FAM149B1: variants seen among roughly 807,000 people sequenced by gnomAD.
The protein encoded by FAM149B1 is primary cilium assembly protein FAM149B1.
Under a neutral mutation model 75.3 loss-of-function variants are expected in FAM149B1, and 56 were observed. That is an observed-to-expected ratio of 0.74 (90% CI 0.60 to 0.93). The LOEUF is 0.93. Ranked by LOEUF, FAM149B1 falls within the 40% of genes least tolerant of loss-of-function variation. The pLI is 0.00. For missense variants in FAM149B1, 639 were observed against 708.4 expected (o/e 0.90, Z 1.11); for synonymous variants, 259 against 256.1 (o/e 1.01, Z -0.11).
chr10:73,187,854 G>A (rs576230693), intron 3 of FAM149B1, among the ~76,000 whole-genome samples: 4 of 152,184 alleles, frequency 2.6e-5, no homozygotes, highest in South Asian at 2.1e-4. Context: ...AAGCCAAGGC[G>A]GGTGAATCAC....
At position 73,178,175 on chromosome 10, in the gene FAM149B1, A is replaced by G. The variant is rs545057257; in HGVS notation, c.282+200A>G. ...TATTGATATAGTAGTTGAGCCTTAG[A>G]CATGCTTAGTGTTCAATTTAAACAG... is the stretch of plus-strand genomic sequence containing the variant. On this transcript the variant is annotated intron_variant, in intron 3 of 13. Transcript: ENST00000242505. 7.2e-5 allele frequency among the ~76,000 whole-genome samples: 11 copies of G among 152,232 alleles called. No homozygotes were observed. The East Asian group carries it at 1.7e-3, about 24-fold the overall frequency.
chr10:73,175,405 C>A (rs1170705883), intron 2 of FAM149B1, among the ~76,000 whole-genome samples: 1 of 151,986 alleles, frequency 6.6e-6, no homozygotes, highest in African/African-American at 2.4e-5. Context: ...CGCGGTGGCT[C>A]ACGCCTGTAA....
chr10:73,213,707 T>C (rs542365472), intron 7 of FAM149B1, among the ~76,000 whole-genome samples: 1 of 152,336 alleles, frequency 6.6e-6, no homozygotes, highest in Non-Finnish European at 1.5e-5. Flanking sequence ...ACCAGTACCA[T>C]GCTGTTTGGA....
At chr10:73,180,035 C>T (rs2042359937) in intron 3 of FAM149B1, among the ~76,000 whole-genome samples, 1 of 152,018 alleles carries the variant, frequency 6.6e-6, no homozygotes, top group African/African-American at 2.4e-5. Flanking sequence ...GTGAGTGAGA[C>T]TTACATGATT....
intron 7 of FAM149B1, 151 bp from the exon 8 acceptor site, chr10:73,227,909 T>C (rs1393635498): frequency 1.4e-5 from 11 of 804,904 alleles, no homozygotes; most frequent in Non-Finnish European, 1.8e-5. Flanking sequence ...AGGGGTTTTT[T>C]TGAACCATGC....
At chr10:73,191,690 T>C (rs887102304) in intron 3 of FAM149B1, among the ~76,000 whole-genome samples, 2 of 152,100 alleles carry the variant, frequency 1.3e-5, no homozygotes, top group African/African-American at 2.4e-5. Context: ...AGTTGTCAAT[T>C]GTCAAGTGAA....
intron 1 of FAM149B1, among the ~76,000 whole-genome samples, chr10:73,170,447 T>A (rs1040780500): frequency 6.7e-6 from 1 of 149,996 alleles, no homozygotes; most frequent in Admixed American, 6.6e-5. Flanking sequence ...GAGGTTGCCG[T>A]GAGCCGAGAT....
intron 7 of FAM149B1, among the ~76,000 whole-genome samples, chr10:73,224,227 A>T (rs953239453): frequency 6.6e-6 from 1 of 152,144 alleles, no homozygotes; most frequent in African/African-American, 2.4e-5. Context: ...CTCTGTTGCA[A>T]CTACTCAACT....
intron 3 of FAM149B1, among the ~76,000 whole-genome samples, chr10:73,183,805 A>G (rs1380544567): frequency 6.6e-6 from 1 of 152,252 alleles, no homozygotes; most frequent in Non-Finnish European, 1.5e-5. Flanking sequence ...AGACTATTCT[A>G]CTACAGAGGG....
chr10:73,178,215 G>T (rs1384537603), intron 3 of FAM149B1, among the ~76,000 whole-genome samples: 1 of 152,210 alleles, frequency 6.6e-6, no homozygotes, highest in Non-Finnish European at 1.5e-5. Context: ...ATGTTGGCCG[G>T]GCACGGTGGC....
intron 9 of FAM149B1, chr10:73,231,236 T>C (rs1460741185): frequency 1.3e-5 from 2 of 152,326 alleles, no homozygotes; most frequent in East Asian, 1.9e-4. Flanking sequence ...TGTTAATTAA[T>C]TAACAAGGGT....
At chr10:73,218,794 C>T (rs746096838) in intron 7 of FAM149B1, among the ~76,000 whole-genome samples, 1 of 152,026 alleles carries the variant, frequency 6.6e-6, no homozygotes, top group African/African-American at 2.4e-5. Flanking sequence ...CTAGAGAGAC[C>T]GAGAATTTTC....
intron 5 of FAM149B1, among the ~76,000 whole-genome samples, chr10:73,197,805 G>T (rs1386229030): frequency 6.6e-6 from 1 of 151,888 alleles, no homozygotes; most frequent in African/African-American, 2.4e-5. Flanking sequence ...ACAAAAGATG[G>T]TGGCAGCATA....
intron 5 of FAM149B1, among the ~76,000 whole-genome samples, chr10:73,198,447 A>G (rs1464425192): frequency 1.3e-5 from 2 of 152,210 alleles, no homozygotes; most frequent in Non-Finnish European, 2.9e-5. Flanking sequence ...TTTGCAAATC[A>G]TATCTGATGA....
intron 5 of FAM149B1, among the ~76,000 whole-genome samples, chr10:73,208,024 C>T (rs12244983): frequency 0.015 from 2,236 of 152,292 alleles, 47 homozygotes; most frequent in African/African-American, 0.045. Flanking sequence ...GAGCCAAGGG[C>T]AGGATGCCCA....
intron 2 of FAM149B1, among the ~76,000 whole-genome samples, chr10:73,177,173 C>T (rs1316271253): frequency 6.6e-6 from 1 of 150,958 alleles, no homozygotes; most frequent in African/African-American, 2.4e-5. Flanking sequence ...CACTGCATTC[C>T]AGCCTGGGTG....
rs576404333 is a variant in FAM149B1 at position 73,241,212 on chromosome 10, C to T, written c.*193C>T. 1.0e-4 allele frequency: 56 copies of T among 550,432 alleles called. No individual in the cohort carries two copies. In the East Asian group the frequency reaches 1.7e-3, roughly 17 times the overall value. The allele number at this position is 550,432 out of a possible 1,614,324, so 34.1% of individuals were successfully genotyped here. ...ATGACATGAGTGTTGTTTCTATCTC[C>T]AGTTACTGTCTCTTTCAGCAGAAAT... On this transcript the variant is annotated 3_prime_UTR_variant, in exon 14 of 14. Transcript: ENST00000242505.
chr10:73,225,207 C>A (rs1409044743), intron 7 of FAM149B1, among the ~76,000 whole-genome samples: 1 of 152,128 alleles, frequency 6.6e-6, no homozygotes, highest in African/African-American at 2.4e-5. Context: ...GTTCTCCTAC[C>A]ATGTCTTTTA....
intron 12 of FAM149B1, among the ~76,000 whole-genome samples, chr10:73,238,015 T>C (rs1162901631): frequency 1.3e-5 from 2 of 152,076 alleles, no homozygotes; most frequent in African/African-American, 4.8e-5. Context: ...TTTGCTGTCA[T>C]AAAAAGGGAG....
Sources: gnomAD v4.1 joint callset for allele counts (sites outside exome capture counted in the v4.1 genomes callset) on GRCh38, gnomAD v4.1.1 for gene constraint, MANE v1.5 for transcripts, NCBI Gene and HGNC (gene_info 2026-07-23, HGNC 2026-07-21) for gene names.